ZMYM2: variants seen among roughly 807,000 people sequenced by gnomAD.
The protein encoded by ZMYM2 is zinc finger MYM-type protein 2.
A neutral mutation model predicts 162.8 loss-of-function variants in ZMYM2; 56 were observed. That is an observed-to-expected ratio of 0.34 (90% CI 0.28 to 0.43). ZMYM2 has a LOEUF of 0.43. Among genes scored for constraint, ZMYM2 ranks in the 20% least tolerant of loss-of-function variants. The pLI is 1.00. For synonymous variants in ZMYM2, 510 were observed against 541.6 expected (o/e 0.94, Z 0.81); for missense variants, 1,275 against 1,621.8 (o/e 0.79, Z 3.67).
At position 20,088,804 on chromosome 13, in the gene ZMYM2, T is replaced by C. The variant is rs1958410402; in HGVS notation, c.*2790T>C. On this transcript the variant is annotated 3_prime_UTR_variant, in exon 25 of 25. Coordinates refer to ENST00000610343, the MANE Select transcript of ZMYM2 (RefSeq NM_197968.4). The stretch of plus-strand genomic sequence containing the variant: ...TCCCTTTGTCCTTTCTAGTTATGAC[T>C]TGGGAATGGGGTAACTTCTTTATGC... The C allele has an allele frequency of 5.1e-6, 1 of 194,332 alleles. No individual in the cohort carries two copies. The highest frequency in any genetic ancestry group is 1.1e-5 in the Non-Finnish European group (1 of 93,220). The allele number at this position is 194,332 out of a possible 1,614,324, so 12.0% of individuals were successfully genotyped here. A position where few individuals can be genotyped will look rare whatever the true frequency, so the allele number is the denominator to read the frequency against.
intron 4 of ZMYM2, 97 bp from the exon 5 acceptor site, chr13:20,004,977 G>T: frequency 1.2e-6 from 1 of 848,986 alleles, no homozygotes; most frequent in Non-Finnish European, 1.8e-6. Context: ...TGTTTGATTT[G>T]CAGGACTTAG....
At chr13:20,002,169 AT>A (rs898704548) in intron 3 of ZMYM2, among the ~76,000 whole-genome samples, 3 of 152,360 alleles carry the variant, frequency 2.0e-5, no homozygotes, top group Non-Finnish European at 4.4e-5. Flanking sequence ...GGAAATAATT[AT>A]AAACTTTATT....
At chr13:19,898,918 G>T in the ZMYM2 span, among the ~76,000 whole-genome samples, 1 of 150,892 alleles carries the variant, frequency 6.6e-6, no homozygotes, top group Non-Finnish European at 1.5e-5. Context: ...AGGTGACAGA[G>T]CAAGACCCCA....
chr13:20,085,208 T>A (rs1432172488), intron 24 of ZMYM2, among the ~76,000 whole-genome samples: 1 of 152,146 alleles, frequency 6.6e-6, no homozygotes, highest in Non-Finnish European at 1.5e-5. Context: ...ACTTTCCACT[T>A]TTGGTGTCAT....
At chr13:19,990,063 C>G (rs1298619992) in intron 2 of ZMYM2, among the ~76,000 whole-genome samples, 1 of 152,196 alleles carries the variant, frequency 6.6e-6, no homozygotes, top group Non-Finnish European at 1.5e-5. Flanking sequence ...CCACAGTGAT[C>G]TATTTAAAAC....
chr13:20,085,313 AGT>A (rs1958187962), intron 24 of ZMYM2, among the ~76,000 whole-genome samples: 1 of 152,210 alleles, frequency 6.6e-6, no homozygotes, highest in Non-Finnish European at 1.5e-5. Context: ...TGGCTGCAGT[AGT>A]GTCAGGGTCT....
chr13:19,923,510 T>G, the ZMYM2 span, among the ~76,000 whole-genome samples: 2 of 139,008 alleles, frequency 1.4e-5, no homozygotes, highest in African/African-American at 5.1e-5. Context: ...CTATATCTAT[T>G]TGTATCTGTT....
chr13:20,066,799 G>A, intron 19 of ZMYM2, 52 bp from the exon 20 acceptor site: 1 of 1,444,398 alleles, frequency 6.9e-7, no homozygotes, highest in Non-Finnish European at 9.1e-7. Flanking sequence ...ATAAAGTAAT[G>A]AAATAATGTA....
At chr13:19,893,930 C>G in the ZMYM2 span, among the ~76,000 whole-genome samples, 10 of 151,746 alleles carry the variant, frequency 6.6e-5, no homozygotes, top group Non-Finnish European at 1.3e-4. Context: ...CACACCACCA[C>G]GTTTGGCTTC....
At chr13:20,077,962 C>T (rs950285494) in intron 21 of ZMYM2, among the ~76,000 whole-genome samples, 3 of 151,232 alleles carry the variant, frequency 2.0e-5, no homozygotes, top group Non-Finnish European at 4.4e-5. Context: ...GGACTACAGG[C>T]GCCCGCCACC....
At chr13:19,946,126 G>C in the ZMYM2 span, among the ~76,000 whole-genome samples, 1 of 152,196 alleles carries the variant, frequency 6.6e-6, no homozygotes, top group South Asian at 2.1e-4. Context: ...GTCAATTCTT[G>C]CTCAGACAAC....
chr13:20,056,017 G>C (rs1955768763), intron 14 of ZMYM2, among the ~76,000 whole-genome samples: 1 of 152,138 alleles, frequency 6.6e-6, no homozygotes, highest in Non-Finnish European at 1.5e-5. Context: ...TTATATGGAA[G>C]AGCTACTTTT....
At chr13:20,005,038 A>G in intron 4 of ZMYM2, 36 bp from the exon 5 acceptor site, 1 of 1,547,140 alleles carries the variant, frequency 6.5e-7, no homozygotes, top group Non-Finnish European at 8.7e-7. Context: ...GATTTCTTTT[A>G]AAATGGAATT....
At chr13:19,935,042 C>T in the ZMYM2 span, among the ~76,000 whole-genome samples, 1 of 152,206 alleles carries the variant, frequency 6.6e-6, no homozygotes, top group Admixed American at 6.5e-5. Flanking sequence ...GCTGGGATTA[C>T]AGGTGCAAGC....
At position 20,002,921 on chromosome 13, in the gene ZMYM2, G is replaced by T. The variant is rs61749503; in HGVS notation, c.919G>T (p.Val307Leu). ...ACCAGGGGTGGACTCTTTATCACCAGTGGCCTCACTTCCTAAACAGATTTT... is the reference window on the plus strand; with the variant it reads ...ACCAGGGGTGGACTCTTTATCACCATTGGCCTCACTTCCTAAACAGATTTT... ...KQPGVDSLSP[V>L]ASLPKQIFQP... Residue 307 changes from valine to leucine, a missense_variant, in exon 4 of 25, where the codon GTG becomes TTG. Physicochemically the swap from Val to Leu is conservative, Grantham distance 32. This residue lies in a region of ZMYM2 where 115 missense variants were observed against 175.3 expected (regional missense o/e 0.66). Coordinates refer to ENST00000610343, the MANE Select transcript of ZMYM2 (RefSeq NM_197968.4). The T allele has an allele frequency of 1.0e-4, 169 of 1,614,042 alleles. No individual in the cohort carries two copies. Among genetic ancestry groups the T allele is most frequent in the Middle Eastern group, 3.3e-4 (2 of 6,084 alleles).
intron 9 of ZMYM2, 89 bp downstream of exon 9, chr13:20,027,407 A>T: frequency 3.1e-6 from 3 of 971,830 alleles, no homozygotes; most frequent in South Asian, 2.3e-5. Flanking sequence ...ATTTTATCTT[A>T]ATTTTTACGT....
intron 6 of ZMYM2, among the ~76,000 whole-genome samples, chr13:20,015,007 C>T (rs201371420): frequency 7.9e-5 from 12 of 152,168 alleles, no homozygotes; most frequent in East Asian, 5.8e-4. Context: ...GTGATCTGCT[C>T]GCCTCAGCCT....
At chr13:19,923,538 T>TA in the ZMYM2 span, among the ~76,000 whole-genome samples, 2 of 147,218 alleles carry the variant, frequency 1.4e-5, no homozygotes, top group African/African-American at 2.5e-5. Flanking sequence ...TTTTTTTTTT[T>TA]ATAAGAGACG....
At chr13:19,968,015 T>C (rs1955960688) in intron 2 of ZMYM2, among the ~76,000 whole-genome samples, 1 of 152,196 alleles carries the variant, frequency 6.6e-6, no homozygotes, top group African/African-American at 2.4e-5. Flanking sequence ...CCAGAATCTC[T>C]GCATCTTTTT....
Sources: gnomAD v4.1 joint callset for allele counts (sites outside exome capture counted in the v4.1 genomes callset) on GRCh38, gnomAD v4.1.1 for gene constraint, gnomAD v4.1.1 regional missense constraint, MANE v1.5 for transcripts, NCBI Gene and HGNC (gene_info 2026-07-23, HGNC 2026-07-21) for gene names.